CCDC88C: variants seen among roughly 807,000 people sequenced by gnomAD.
CCDC88C encodes coiled-coil and HOOK domain protein 88C, also known as protein Daple.
CCDC88C carries 131 observed loss-of-function variants against 198.8 expected under a neutral mutation model. That is an observed-to-expected ratio of 0.66 (90% CI 0.57 to 0.76). CCDC88C has a LOEUF of 0.76. Among genes scored for constraint, CCDC88C ranks in the 30% least tolerant of loss-of-function variants. The pLI, the probability that CCDC88C is intolerant of heterozygous loss-of-function variation, is 0.00. For missense variants in CCDC88C, 2,553 were observed against 2,631.6 expected (o/e 0.97, Z 0.65); for synonymous variants, 1,166 against 1,114.7 (o/e 1.05, Z -0.92).
chr14:91,384,503 C>T (rs1375421553), intron 3 of CCDC88C: 1 of 523,340 alleles, frequency 1.9e-6, no homozygotes, highest in East Asian at 5.5e-5. Flanking sequence ...CCTTCTTCCC[C>T]TTCCTCATCT....
intron 3 of CCDC88C, among the ~76,000 whole-genome samples, chr14:91,378,445 C>T (rs966070615): frequency 3.9e-5 from 6 of 152,188 alleles, no homozygotes; most frequent in Non-Finnish European, 7.3e-5. Flanking sequence ...TCGGGACACT[C>T]ATCTTTGGTT....
At chr14:91,379,625 G>A in intron 3 of CCDC88C, 2 of 580,974 alleles carry the variant, frequency 3.4e-6, no homozygotes, top group South Asian at 2.2e-5. Flanking sequence ...GCCTCCTGGG[G>A]TAGGAACTCC....
intron 18 of CCDC88C, among the ~76,000 whole-genome samples, chr14:91,306,489 T>C (rs1007371622): frequency 5.9e-5 from 9 of 152,274 alleles, no homozygotes; most frequent in African/African-American, 1.7e-4. Flanking sequence ...AAATTCTGTT[T>C]GAGCTTTATC....
In CCDC88C at chr14:91,325,634, T is replaced by C. The variant is rs1416416062; in HGVS notation, c.1197+276A>G. 2.0e-5 allele frequency among the ~76,000 whole-genome samples: 3 copies of C among 152,102 alleles called. No homozygotes were observed. The highest frequency in any genetic ancestry group is 4.4e-5 in the Non-Finnish European group (3 of 68,018). The stretch of plus-strand genomic sequence containing the variant: ...CTCTATCACCCAGGCTGGAATGCAA[T>C]GGTGTGATCACGGCTCACTGCAGCC... On this transcript the variant is annotated intron_variant, in intron 11 of 29. Transcript: ENST00000389857. The surrounding 1 kb of genome is among the most constrained non-coding windows in gnomAD (Gnocchi z 4.1).
At chr14:91,345,129 T>C (rs1351561763) in intron 4 of CCDC88C, among the ~76,000 whole-genome samples, 1 of 146,974 alleles carries the variant, frequency 6.8e-6, no homozygotes, top group Non-Finnish European at 1.5e-5. Flanking sequence ...TCAAGGCCAG[T>C]AACTTATTTA....
chr14:91,410,953 G>A (rs1488522159), intron 2 of CCDC88C, among the ~76,000 whole-genome samples: 1 of 152,106 alleles, frequency 6.6e-6, no homozygotes, highest in Non-Finnish European at 1.5e-5. Flanking sequence ...TCAGGGTCGG[G>A]AACCTGGGAG....
intron 3 of CCDC88C, among the ~76,000 whole-genome samples, chr14:91,380,922 G>A (rs1305578678): frequency 6.6e-6 from 1 of 152,212 alleles, no homozygotes; most frequent in East Asian, 1.9e-4. Context: ...TGGGAACTTG[G>A]AAGGCTGACA....
Position 91,313,991 on chromosome 14 carries a change from A to G in CCDC88C, c.1825T>C (p.Leu609=), listed in dbSNP as rs1323951400. ...VTEANGKLSQ[L]EFEKRQLHRD... is the part of the protein sequence containing the mutation. ...TGCAGCTGCCGCTTCTCAAACTCCA[A>G]CTGGCTGAGCTTGCCATTGGCCTCC... is the stretch of plus-strand genomic sequence containing the variant. The change falls in exon 15 of 30, where the codon TTG becomes CTG. Residue 609 remains leucine, a synonymous_variant. Coordinates refer to ENST00000389857, the MANE Select transcript of CCDC88C (RefSeq NM_001080414.4). This position sits in a 1 kb window ranked among gnomAD's most constrained non-coding sequence, Gnocchi z 5.2. The G allele has an allele frequency of 2.5e-6, 4 of 1,611,682 alleles. No individual in the cohort carries two copies. The highest frequency in any genetic ancestry group is 4.5e-5 in the East Asian group (2 of 44,774).
At chr14:91,363,407 G>A (rs751117351) in intron 3 of CCDC88C, among the ~76,000 whole-genome samples, 5 of 151,712 alleles carry the variant, frequency 3.3e-5, no homozygotes, top group Admixed American at 2.0e-4. Flanking sequence ...CACCTTGCCC[G>A]GCCTTTGCAT....
chr14:91,321,388 T>C (rs1892350270), intron 12 of CCDC88C, 84 bp from the exon 13 acceptor site: 1 of 1,419,024 alleles, frequency 7.0e-7, no homozygotes, highest in African/African-American at 1.4e-5. Context: ...TGGTCATCAG[T>C]CCCGGAGTCC....
rs1892541523 is a variant in CCDC88C, at chr14:91,325,408, G to C, written c.1198-485C>G. 6.6e-6 allele frequency among the ~76,000 whole-genome samples: 1 copy of C among 152,098 alleles called. No homozygotes were observed. The highest frequency in any genetic ancestry group is 2.4e-5 in the African/African-American group (1 of 41,406). On this transcript the variant is annotated intron_variant, in intron 11 of 29. Coordinates refer to ENST00000389857, the MANE Select transcript of CCDC88C (RefSeq NM_001080414.4). The surrounding 1 kb of genome is among the most constrained non-coding windows in gnomAD (Gnocchi z 4.1). ...CAAGTGCTCTGTTTGTGGGTGTTAA[G>C]TGGCACCCGCTCAAGCCTGCTGATT...
At chr14:91,343,531 A>G in intron 5 of CCDC88C, 68 bp downstream of exon 5, 1 of 1,600,798 alleles carries the variant, frequency 6.2e-7, no homozygotes, top group Non-Finnish European at 8.5e-7. Context: ...GGGCTCGGTC[A>G]AGTCCCGCAA....
intron 3 of CCDC88C, among the ~76,000 whole-genome samples, chr14:91,396,887 C>G (rs1320533357): frequency 6.6e-6 from 1 of 152,086 alleles, no homozygotes; most frequent in Non-Finnish European, 1.5e-5. Context: ...GTAGTCCCAG[C>G]TACTCGGGGG....
intron 3 of CCDC88C, among the ~76,000 whole-genome samples, chr14:91,407,134 A>G (rs1471706707): frequency 1.3e-5 from 2 of 152,044 alleles, no homozygotes; most frequent in Admixed American, 6.6e-5. Context: ...CAGAAAACCC[A>G]GGCCATTGTC....
chr14:91,371,184 G>C lies in CCDC88C; in HGVS notation c.271-11473C>G, dbSNP rs182879122. Among the ~76,000 whole-genome samples, 2 of 152,112 alleles carry C rather than the reference G, an allele frequency of 1.3e-5. No individual in the cohort carries two copies. Among genetic ancestry groups the C allele is most frequent in the African/African-American group, 2.4e-5 (1 of 41,400 alleles). ...GCTCCAGTGCTTGGAGTTGATATAA[G>C]GGCCCTGATTTTATGGCCGTGAGGG... is the stretch of plus-strand genomic sequence containing the variant. On this transcript the variant is annotated intron_variant, in intron 3 of 29. Transcript: ENST00000389857. This position sits in a 1 kb window ranked among gnomAD's most constrained non-coding sequence, Gnocchi z 4.2.
intron 15 of CCDC88C, among the ~76,000 whole-genome samples, chr14:91,311,876 GA>G (rs769757524): frequency 8.2e-4 from 125 of 152,172 alleles, no homozygotes; most frequent in Non-Finnish European, 1.7e-3. Context: ...TTTGATTCAT[GA>G]AGGTCTATGT....
At chr14:91,413,393 T>C (rs1886887737) in intron 2 of CCDC88C, among the ~76,000 whole-genome samples, 1 of 152,202 alleles carries the variant, frequency 6.6e-6, no homozygotes, top group Non-Finnish European at 1.5e-5. Flanking sequence ...CCCAACATAA[T>C]AACACTAGGA....
At chr14:91,299,104 C>T (rs1057394795) in intron 21 of CCDC88C, among the ~76,000 whole-genome samples, 5 of 152,160 alleles carry the variant, frequency 3.3e-5, no homozygotes, top group Admixed American at 6.5e-5. Flanking sequence ...ATTAGGTTCC[C>T]GGGAGCCTCT....
chr14:91,285,462 G>A, intron 25 of CCDC88C: 1 of 462,782 alleles, frequency 2.2e-6, no homozygotes, highest in South Asian at 1.6e-5. Flanking sequence ...AAACTGTGTT[G>A]TGCTGAAGAA....
Sources: gnomAD v4.1 joint callset for allele counts (sites outside exome capture counted in the v4.1 genomes callset) on GRCh38, gnomAD v4.1.1 for gene constraint, Gnocchi (gnomAD v3.1) non-coding constraint, MANE v1.5 for transcripts, NCBI Gene and HGNC (gene_info 2026-07-23, HGNC 2026-07-21) for gene names.